The following SOX5 variants were observed in gnomAD, a reference collection of about 807,000 sequenced individuals.
SOX5 encodes the protein transcription factor SOX-5.
SOX5 carries 9 observed loss-of-function variants against 92.0 expected under a neutral mutation model. The ratio of observed to expected loss-of-function variants is 0.10; its 90% CI spans 0.06 to 0.17. The LOEUF (loss-of-function observed/expected upper bound fraction) is 0.17. Ranked by LOEUF, SOX5 falls within the 10% of genes least tolerant of loss-of-function variation. The pLI is 1.00. For missense variants in SOX5, 642 were observed against 944.5 expected, an observed-to-expected ratio of 0.68 and a Z score of 4.20; for synonymous variants, 344 against 336.3, an observed-to-expected ratio of 1.02 and a Z score of -0.25.
chr12:23,658,680 T>C (rs1200590467), intron 7 of SOX5, among the ~76,000 whole-genome samples: 2 of 151,988 alleles, frequency 1.3e-5, no homozygotes, highest in South Asian at 2.1e-4. Flanking sequence ...TCACTTGAGG[T>C]AGGAGTTCGA....
intron 3 of SOX5, among the ~76,000 whole-genome samples, chr12:24,274,901 G>A (rs1170749663): frequency 6.6e-6 from 1 of 152,204 alleles, no homozygotes; most frequent in Admixed American, 6.5e-5. Flanking sequence ...AAGCCTTCAT[G>A]TGTTTATCCA....
chr12:23,985,513 G>C (rs943047547), intron 4 of SOX5, among the ~76,000 whole-genome samples: 2 of 152,128 alleles, frequency 1.3e-5, no homozygotes, highest in African/African-American at 2.4e-5. Flanking sequence ...AATTGCACTG[G>C]CCAAATTTGC....
intron 1 of SOX5, among the ~76,000 whole-genome samples, chr12:24,453,348 T>A (rs1223525022): frequency 6.6e-6 from 1 of 152,200 alleles, no homozygotes. Context: ...GCTGAAGTGG[T>A]TACACTCTAC....
intron 3 of SOX5, among the ~76,000 whole-genome samples, chr12:23,780,539 G>A (rs1328794294): frequency 4.6e-5 from 7 of 151,794 alleles, no homozygotes; most frequent in Non-Finnish European, 7.4e-5. Context: ...AGAAAGAAAC[G>A]TATCAGGGCT....
intron 13 of SOX5, among the ~76,000 whole-genome samples, chr12:23,540,105 AAAAG>A (rs1359260590): frequency 2.0e-5 from 3 of 151,596 alleles, no homozygotes; most frequent in Admixed American, 6.6e-5. Context: ...TAAAAAAAAA[AAAAG>A]AGAGAAAAAA....
At chr12:24,300,813 C>G (rs193188761) in intron 2 of SOX5, among the ~76,000 whole-genome samples, 1 of 152,172 alleles carries the variant, frequency 6.6e-6, no homozygotes, top group South Asian at 2.1e-4. Flanking sequence ...GTTGCAGGGA[C>G]CAGACACTCA....
chr12:23,545,874 CA>C (rs113618801), intron 12 of SOX5, among the ~76,000 whole-genome samples: 62 of 130,348 alleles, frequency 4.8e-4, no homozygotes, highest in East Asian at 1.1e-3. Context: ...GTCCTCATCT[CA>C]AAAAAAAAAA....
intron 4 of SOX5, among the ~76,000 whole-genome samples, chr12:23,750,023 A>T (rs1007129606): frequency 1.3e-5 from 2 of 151,830 alleles, no homozygotes; most frequent in Non-Finnish European, 2.9e-5. Flanking sequence ...TGCAAATTAT[A>T]GAAGTTCTTC....
intron 4 of SOX5, among the ~76,000 whole-genome samples, chr12:24,016,232 GGAATCCAAATAATAAAACA>G: frequency 6.6e-6 from 1 of 152,066 alleles, no homozygotes; most frequent in Non-Finnish European, 1.5e-5. Context: ...TATGAAACAT[GGAATCCAAATAATAAAACA>G]GAATCCAATG....
At chr12:24,450,853 T>C (rs1942193679) in intron 1 of SOX5, among the ~76,000 whole-genome samples, 1 of 152,184 alleles carries the variant, frequency 6.6e-6, no homozygotes, top group African/African-American at 2.4e-5. Flanking sequence ...AAATATACAA[T>C]TATTATTTAC....
At chr12:23,777,107 G>C (rs1167182459) in intron 3 of SOX5, among the ~76,000 whole-genome samples, 1 of 152,060 alleles carries the variant, frequency 6.6e-6, no homozygotes, top group African/African-American at 2.4e-5. Flanking sequence ...AACAAACATT[G>C]GTTGAATGAA....
chr12:23,738,393 G>A (rs1451913390), intron 5 of SOX5: 1 of 152,184 alleles, frequency 6.6e-6, no homozygotes, highest in African/African-American at 2.4e-5. Flanking sequence ...TGCCTGCCAT[G>A]TATGGTAGAG....
chr12:24,508,020 G>C (rs542836007), intron 1 of SOX5, among the ~76,000 whole-genome samples: 2 of 152,174 alleles, frequency 1.3e-5, no homozygotes, highest in Non-Finnish European at 1.5e-5. Context: ...TGATGTCATC[G>C]GAGTGCAGCC....
chr12:24,515,385 T>G lies in SOX5; in HGVS notation c.-251+46944A>C, dbSNP rs1216656228. Among the ~76,000 whole-genome samples, 4 of 152,326 alleles carry G rather than the reference T, an allele frequency of 2.6e-5. No homozygotes were observed. In the East Asian group the frequency reaches 7.7e-4, roughly 29 times the overall value. ...CTTCCATACAGTGACACTAATTATA[T>G]TTAAGTTGTTATTCGTATTATTATT... On this transcript the variant is annotated intron_variant, in intron 1 of 4. Transcript: ENST00000446891.
At chr12:24,372,235 T>A (rs1484645709) in intron 1 of SOX5, among the ~76,000 whole-genome samples, 1 of 152,178 alleles carries the variant, frequency 6.6e-6, no homozygotes, top group African/African-American at 2.4e-5. Context: ...CCTGCACTCA[T>A]CAACCCATCA....
At chr12:24,553,584 T>C (rs1000952370) in intron 1 of SOX5, among the ~76,000 whole-genome samples, 1 of 152,240 alleles carries the variant, frequency 6.6e-6, no homozygotes, top group Non-Finnish European at 1.5e-5. Context: ...GAGCTTACCT[T>C]CTAATTGGAA....
rs961108489 is a variant in SOX5, at chr12:24,175,893, C to T, written c.-2+37450G>A. Among the ~76,000 whole-genome samples, 3 of 151,966 alleles carry T rather than the reference C, an allele frequency of 2.0e-5. 1 individual carries two copies. The highest frequency in any genetic ancestry group is 1.9e-4 in the East Asian group (1 of 5,188). The stretch of plus-strand genomic sequence containing the variant: ...CCACAGATTTTGTATCTAGGGGCCT[C>T]TCTTACAAAAGGGACCCGAACAGCC... On this transcript the variant is annotated intron_variant, in intron 4 of 4. Coordinates refer to the SOX5 transcript ENST00000446891.
chr12:23,644,975 T>A (rs2080639859), intron 7 of SOX5, among the ~76,000 whole-genome samples: 1 of 152,224 alleles, frequency 6.6e-6, no homozygotes, highest in Admixed American at 6.5e-5. Context: ...AAATTCATTT[T>A]TTATTATTTA....
At chr12:23,850,645 C>T (rs1185316814) in intron 2 of SOX5, among the ~76,000 whole-genome samples, 1 of 151,664 alleles carries the variant, frequency 6.6e-6, no homozygotes, top group African/African-American at 2.4e-5. Context: ...TAGGAGGTAC[C>T]AAATTGAATT....
Sources: allele counts gnomAD v4.1 joint callset (sites outside exome capture counted in the v4.1 genomes callset), GRCh38; gene constraint gnomAD v4.1.1; transcripts MANE v1.5; gene names NCBI Gene and HGNC (gene_info 2026-07-23, HGNC 2026-07-21).